Variants in MTPAP observed in about 807,000 individuals in gnomAD.
The protein encoded by MTPAP is mitochondrial poly(A) polymerase.
A neutral mutation model predicts 48.7 loss-of-function variants in MTPAP; 23 were observed. The ratio of observed to expected loss-of-function variants is 0.47; its 90% CI spans 0.34 to 0.67. MTPAP has a LOEUF of 0.67. MTPAP is among the 30% of genes least tolerant of loss of function. The probability of loss-of-function intolerance (pLI) is 0.01; values close to 1 mark genes in which losing one functional copy is unlikely to be tolerated. For synonymous variants in MTPAP, 257 were observed against 254.1 expected (o/e 1.01, Z -0.11); for missense variants, 614 against 694.3 (o/e 0.88, Z 1.30).
At chr10:30,339,948 A>G in intron 3 of MTPAP, 1 of 465,770 alleles carries the variant, frequency 2.1e-6, no homozygotes, top group Non-Finnish European at 3.9e-6. Context: ...TCTCAAGACC[A>G]TATGCCAGTC....
At position 30,309,963 on chromosome 10, in the gene MTPAP, A is replaced by G. The variant is rs190959333; in HGVS notation, c.*3646T>C. On this transcript the variant is annotated 3_prime_UTR_variant, in exon 9 of 9. Coordinates refer to ENST00000263063, the MANE Select transcript of MTPAP (RefSeq NM_018109.4). ...TCTAAAGATGGATAATAGCTCCAGG[A>G]ATTATACTAGTGGGCTATAGCTGAA... is the stretch of plus-strand genomic sequence containing the variant. The G allele has an allele frequency of 6.6e-6, 1 of 152,328 alleles. No individual in the cohort carries two copies. The highest frequency in any genetic ancestry group is 1.9e-4 in the East Asian group (1 of 5,188). 9.4% of individuals were successfully genotyped at this position (152,328 alleles called of 1,614,324 possible).
chr10:30,325,296 G>A (rs189014400), intron 5 of MTPAP, among the ~76,000 whole-genome samples: 213 of 152,330 alleles, frequency 1.4e-3, no homozygotes, highest in African/African-American at 5.0e-3. Flanking sequence ...AAGTACTTAT[G>A]ATTGGCTTGT....
intron 4 of MTPAP, among the ~76,000 whole-genome samples, chr10:30,336,250 G>A (rs1026427777): frequency 2.0e-5 from 3 of 151,754 alleles, no homozygotes; most frequent in South Asian, 2.1e-4. Context: ...ACTACCAAGC[G>A]GCCATATTAA....
chr10:30,329,955 C>G (rs185154313), intron 4 of MTPAP, among the ~76,000 whole-genome samples: 49 of 146,266 alleles, frequency 3.4e-4, no homozygotes, highest in African/African-American at 1.1e-3. Context: ...AGATTATGTT[C>G]TGGGTTTTTT....
At chr10:30,322,729 T>C (rs979580447) in intron 5 of MTPAP, 112 bp from the exon 6 acceptor site, 9 of 756,266 alleles carry the variant, frequency 1.2e-5, no homozygotes, top group African/African-American at 8.8e-5. Context: ...TCTGAATGTA[T>C]TCAGAACATC....
chr10:30,323,128 CAAAAAAA>C (rs201987154), intron 5 of MTPAP, among the ~76,000 whole-genome samples: 11,717 of 86,554 alleles, frequency 0.14, 696 homozygotes, highest in Middle Eastern at 0.17. Context: ...GACTCCGTTT[CAAAAAAA>C]AAAAAAAAAA....
intron 1 of MTPAP, chr10:30,348,727 C>T (rs1834899431): frequency 4.7e-6 from 1 of 212,290 alleles, no homozygotes; most frequent in Admixed American, 5.2e-5. Flanking sequence ...CGGCCTCCAG[C>T]AACAACTTAA....
chr10:30,328,107 C>T (rs923742115), intron 4 of MTPAP, among the ~76,000 whole-genome samples: 7 of 151,952 alleles, frequency 4.6e-5, no homozygotes, highest in South Asian at 2.1e-4. Context: ...GGGTAATTTA[C>T]GACAGTTTTA....
intron 8 of MTPAP, among the ~76,000 whole-genome samples, chr10:30,315,487 G>A (rs668126): frequency 0.92 from 134,119 of 146,404 alleles, 61,449 homozygotes; most frequent in Admixed American, 0.94. Flanking sequence ...AATCCAAATC[G>A]TAAGTTCATT....
At chr10:30,325,748 T>G (rs1834580950) in intron 5 of MTPAP, among the ~76,000 whole-genome samples, 1 of 151,840 alleles carries the variant, frequency 6.6e-6, no homozygotes, top group Non-Finnish European at 1.5e-5. Context: ...AGACTCCGTC[T>G]CAAAAGTAAT....
intron 6 of MTPAP, among the ~76,000 whole-genome samples, chr10:30,322,164 T>C (rs1269448799): frequency 6.6e-6 from 1 of 152,158 alleles, no homozygotes; most frequent in African/African-American, 2.4e-5. Context: ...TCACAACTGC[T>C]GTAAACAACC....
chr10:30,321,280 A>G (rs996837645), intron 6 of MTPAP, among the ~76,000 whole-genome samples: 9 of 152,156 alleles, frequency 5.9e-5, no homozygotes, highest in Admixed American at 2.0e-4. Flanking sequence ...TTATTTCTTT[A>G]GGCTAGTCAA....
intron 4 of MTPAP, among the ~76,000 whole-genome samples, chr10:30,333,820 T>G (rs988644213): frequency 3.3e-5 from 5 of 152,032 alleles, no homozygotes; most frequent in Non-Finnish European, 7.4e-5. Flanking sequence ...GAGAATTGCT[T>G]GAGCCCAGGA....
intron 4 of MTPAP, among the ~76,000 whole-genome samples, chr10:30,336,540 A>C (rs976340410): frequency 6.6e-6 from 1 of 152,202 alleles, no homozygotes; most frequent in African/African-American, 2.4e-5. Flanking sequence ...GGTAACTTTG[A>C]CTTAACTGAA....
At chr10:30,347,852 T>C (rs530628912) in intron 1 of MTPAP, among the ~76,000 whole-genome samples, 5 of 152,096 alleles carry the variant, frequency 3.3e-5, no homozygotes, top group East Asian at 1.9e-4. Flanking sequence ...GATCGTGCCA[T>C]TGCACTCCAG....
At chr10:30,323,128 C>CAA (rs201987154) in intron 5 of MTPAP, among the ~76,000 whole-genome samples, 11,739 of 85,650 alleles carry the variant, frequency 0.14, 1,110 homozygotes, top group Non-Finnish European at 0.16. Flanking sequence ...GACTCCGTTT[C>CAA]AAAAAAAAAA....
chr10:30,343,405 CA>C (rs1235833038), intron 1 of MTPAP, among the ~76,000 whole-genome samples: 2,558 of 89,546 alleles, frequency 0.029, 12 homozygotes, highest in Admixed American at 0.045. Context: ...GAGACTGTCT[CA>C]AAAAAAAAAA....
intron 1 of MTPAP, among the ~76,000 whole-genome samples, chr10:30,348,576 G>A (rs1834898016): frequency 6.6e-6 from 1 of 152,194 alleles, no homozygotes; most frequent in South Asian, 2.1e-4. Flanking sequence ...ACAGCCTGTT[G>A]CAGTGAATCC....
rs538220601 is a variant in MTPAP, at chr10:30,340,914, A to G, written c.331-464T>C. Among the ~76,000 whole-genome samples the G allele has an allele frequency of 1.2e-3, 155 of 124,134 alleles. 4 individuals carry two copies. In the South Asian group the frequency reaches 0.038, roughly 30 times the overall value. The allele number at this position is 124,134 out of a possible 152,430, so 81.4% of individuals were successfully genotyped here. A position where few individuals can be genotyped will look rare whatever the true frequency, so the allele number is the denominator to read the frequency against. On this transcript the variant is annotated intron_variant, in intron 2 of 8. Coordinates refer to ENST00000263063, the MANE Select transcript of MTPAP (RefSeq NM_018109.4). ...AGCCTGGGCAACAGAGTGAGACTCC[A>G]TGTCAAAAAAAAAGAAACGGAACCT...
Sources: allele counts gnomAD v4.1 joint callset (sites outside exome capture counted in the v4.1 genomes callset), GRCh38; gene constraint gnomAD v4.1.1; transcripts MANE v1.5; gene names NCBI Gene and HGNC (gene_info 2026-07-23, HGNC 2026-07-21).